The following MAP7 variants were observed in gnomAD, a reference collection of about 807,000 sequenced individuals.
The protein encoded by MAP7 is microtubule associated protein 7.
Under a neutral mutation model 94.8 loss-of-function variants are expected in MAP7, and 52 were observed. The observed-to-expected ratio is 0.55, with a 90% CI of 0.44 to 0.69. MAP7 has a LOEUF of 0.69. Ranked by LOEUF, MAP7 falls within the 30% of genes least tolerant of loss-of-function variation. The pLI, the probability that MAP7 is intolerant of heterozygous loss-of-function variation, is 0.00. For synonymous variants in MAP7, 350 were observed against 357.0 expected (o/e 0.98, Z 0.22); for missense variants, 940 against 964.6 (o/e 0.97, Z 0.34).
intron 1 of MAP7, among the ~76,000 whole-genome samples, chr6:136,474,356 C>T (rs1461085778): frequency 3.9e-5 from 6 of 152,120 alleles, no homozygotes; most frequent in African/African-American, 9.7e-5. Flanking sequence ...AGGGTGTACA[C>T]GGCAGGGGCG....
Position 136,386,104 on chromosome 6 carries a change from G to A in MAP7, c.526+2289C>T, listed in dbSNP as rs1173719759. Among the ~76,000 whole-genome samples the A allele has an allele frequency of 5.9e-5, 9 of 152,280 alleles. No individual in the cohort carries two copies. The South Asian group carries it at 1.4e-3, about 25-fold the overall frequency. On this transcript the variant is annotated intron_variant, in intron 5 of 17. Coordinates refer to ENST00000354570, the MANE Select transcript of MAP7 (RefSeq NM_003980.6). ...CAAGTTTTACAGACCAGTGCTAGTCGATGGCCAGCAGCTGGCCAAGACAGG... is the reference window on the plus strand; with the variant it reads ...CAAGTTTTACAGACCAGTGCTAGTCAATGGCCAGCAGCTGGCCAAGACAGG...
chr6:136,418,963 A>G (rs1048871385), intron 2 of MAP7, among the ~76,000 whole-genome samples: 5 of 46,640 alleles, frequency 1.1e-4, no homozygotes, highest in African/African-American at 3.8e-4. Context: ...ATATACAAGA[A>G]AACAGACACA....
intron 1 of MAP7, among the ~76,000 whole-genome samples, chr6:136,507,087 T>G (rs1821749317): frequency 6.6e-6 from 1 of 152,130 alleles, no homozygotes; most frequent in African/African-American, 2.4e-5. Flanking sequence ...CGTTTCTGTT[T>G]TTTTGCTCAA....
intron 7 of MAP7, among the ~76,000 whole-genome samples, chr6:136,375,036 A>T (rs910541804): frequency 6.6e-6 from 1 of 152,144 alleles, no homozygotes; most frequent in Non-Finnish European, 1.5e-5. Flanking sequence ...TATGTATTTG[A>T]TCCTACTCTT....
At chr6:136,390,275 G>C (rs945402349) in intron 3 of MAP7, among the ~76,000 whole-genome samples, 3 of 152,058 alleles carry the variant, frequency 2.0e-5, no homozygotes, top group Admixed American at 6.6e-5. Context: ...TAATACTGTA[G>C]GCAAAAGGAA....
At chr6:136,499,922 G>A (rs1250831087) in intron 1 of MAP7, among the ~76,000 whole-genome samples, 1 of 152,046 alleles carries the variant, frequency 6.6e-6, no homozygotes, top group Non-Finnish European at 1.5e-5. Flanking sequence ...CTTGAGCCTG[G>A]GAGGTCAAGC....
At chr6:136,526,901 G>A (rs919133371) in intron 1 of MAP7, among the ~76,000 whole-genome samples, 2 of 152,230 alleles carry the variant, frequency 1.3e-5, no homozygotes, top group African/African-American at 4.8e-5. Context: ...CCAGTCATGA[G>A]GGCCACCAGT....
chr6:136,388,662 A>T, intron 4 of MAP7, 152 bp from the exon 5 acceptor site: 1 of 579,828 alleles, frequency 1.7e-6, no homozygotes. Flanking sequence ...AGGTGAGACT[A>T]GTGTCAATCT....
chr6:136,521,176 A>G (rs180815370), intron 1 of MAP7, among the ~76,000 whole-genome samples: 81 of 152,302 alleles, frequency 5.3e-4, no homozygotes, highest in Admixed American at 1.9e-3. Flanking sequence ...TGAAATCTAG[A>G]TTATGAAAAA....
At chr6:136,446,469 T>A (rs1473661435) in intron 1 of MAP7, among the ~76,000 whole-genome samples, 1 of 152,226 alleles carries the variant, frequency 6.6e-6, no homozygotes, top group Non-Finnish European at 1.5e-5. Context: ...TGAGCTTTTA[T>A]GGAAGCCTCA....
rs1468604568 is a variant in MAP7, at chr6:136,345,918, T to C, written c.2177A>G (p.Asp726Gly). ...CAGGGGCCCAAGTGTCCCTTCATCA[T>C]CAAAGGCCAAAATTGGATTCAAAGG... Reference protein sequence around the residue: ...EIPLNPILAFDDEGTLGPLPQ... With the variant: ...EIPLNPILAFGDEGTLGPLPQ... Residue 726 changes from aspartate (D) to glycine (G), a missense_variant, in exon 17 of 18, where the codon GAT (aspartate) becomes GGT (glycine). Coordinates refer to ENST00000354570, the MANE Select transcript of MAP7 (RefSeq NM_003980.6). The C allele has an allele frequency of 1.9e-6, 3 of 1,614,024 alleles. No homozygotes were observed. The highest frequency in any genetic ancestry group is 2.7e-5 in the African/African-American group (2 of 74,896).
chr6:136,381,880 A>ACG, intron 6 of MAP7, among the ~76,000 whole-genome samples: 1 of 69,574 alleles, frequency 1.4e-5, no homozygotes. Flanking sequence ...CTAACCTTAC[A>ACG]CACACACACA....
chr6:136,363,722 C>T (rs1793490571), intron 10 of MAP7, among the ~76,000 whole-genome samples: 1 of 152,130 alleles, frequency 6.6e-6, no homozygotes, highest in Non-Finnish European at 1.5e-5. Context: ...AGGTGAGAAC[C>T]AGTGGGCCTT....
chr6:136,438,870 T>C (rs2128835732), intron 1 of MAP7, among the ~76,000 whole-genome samples: 1 of 152,244 alleles, frequency 6.6e-6, no homozygotes, highest in East Asian at 1.9e-4. Flanking sequence ...TTAAAAGGTA[T>C]AAAGTGAAGA....
intron 1 of MAP7, among the ~76,000 whole-genome samples, chr6:136,547,698 G>GAAGATA (rs60950763): frequency 0.25 from 38,113 of 151,696 alleles, 5,850 homozygotes; most frequent in African/African-American, 0.42. Flanking sequence ...CTAACTTTGA[G>GAAGATA]AATATATACC....
chr6:136,381,917 CACAG>C (rs1292030064), intron 6 of MAP7, among the ~76,000 whole-genome samples: 3 of 135,862 alleles, frequency 2.2e-5, no homozygotes, highest in Non-Finnish European at 3.3e-5. Flanking sequence ...CACACACACA[CACAG>C]AGAGAGAGAG....
At position 136,550,367 on chromosome 6, in the gene MAP7, G is replaced by T. The variant is rs1426670843; in HGVS notation, c.42C>A (p.Gly14=). The T allele has an allele frequency of 6.5e-7, 1 of 1,528,824 alleles. No individual in the cohort carries two copies. Among genetic ancestry groups the T allele is most frequent in the East Asian group, 2.7e-5 (1 of 36,764 alleles). 94.7% of individuals were successfully genotyped at this position (1,528,824 alleles called of 1,614,324 possible). ...CTGTTTCGCTTCGCACTGCGCCGTC[G>T]CCGCCCCTGTGGCCGTCGCCGCCAG... The part of the protein sequence containing the change: ...LGAGGDGHRG[G]DGAVRSETAP... Residue 14 remains glycine, a synonymous_variant, in exon 1 of 18, where the codon GGC becomes GGA. Coordinates refer to ENST00000354570, the MANE Select transcript of MAP7 (RefSeq NM_003980.6). This position sits in a 1 kb window ranked among gnomAD's most constrained non-coding sequence, Gnocchi z 5.1.
intron 1 of MAP7, among the ~76,000 whole-genome samples, chr6:136,501,425 T>C (rs1343447621): frequency 1.3e-5 from 2 of 152,218 alleles, no homozygotes; most frequent in East Asian, 3.9e-4. Flanking sequence ...GGTTTAGGTA[T>C]TACCTTGTGT....
At position 136,377,874 on chromosome 6, in the gene MAP7, C is replaced by G; in HGVS notation, c.638-6G>C. ...GCTGAGCTGCAGGCGGCGAGCTAAA[C>G]GTCACCACATAAGCAAGATGTTAGA... On this transcript the variant is annotated splice_region_variant and splice_polypyrimidine_tract_variant and intron_variant, in intron 6 of 17. Transcript: ENST00000354570. 6.2e-7 allele frequency: 1 copy of G among 1,600,594 alleles called. No homozygotes were observed. Among genetic ancestry groups the G allele is most frequent in the Non-Finnish European group, 8.6e-7 (1 of 1,168,158 alleles).
Sources: allele counts gnomAD v4.1 joint callset (sites outside exome capture counted in the v4.1 genomes callset), GRCh38; gene constraint gnomAD v4.1.1; non-coding constraint Gnocchi (gnomAD v3.1); transcripts MANE v1.5; gene names NCBI Gene and HGNC (gene_info 2026-07-23, HGNC 2026-07-21).